RHCE: variants seen among roughly 807,000 people sequenced by gnomAD.
RHCE encodes the protein Rh blood group CcEe antigens.
RHCE carries 22 observed loss-of-function variants against 43.8 expected under a neutral mutation model. The observed-to-expected ratio is 0.50, with a 90% CI of 0.36 to 0.72. The LOEUF (loss-of-function observed/expected upper bound fraction) is 0.72, where lower values mean the gene tolerates loss of function less well. RHCE is among the 30% of genes least tolerant of loss of function. RHCE has a pLI of 0.00. For synonymous variants in RHCE, 156 were observed against 210.7 expected (o/e 0.74, Z 2.25); for missense variants, 385 against 525.4 (o/e 0.73, Z 2.61).
chr1:25,430,175 C>G (rs1213221336), exon 1 of RHCE: 1 of 151,962 alleles, frequency 6.6e-6, no homozygotes, highest in Non-Finnish European at 1.5e-5. Context: ...GCCGCACCGC[C>G]GCACACGCCC....
At position 25,392,021 on chromosome 1, in the gene RHCE, T is replaced by A. The variant is rs764289876; in HGVS notation, c.607A>T (p.Thr203Ser). The A allele has an allele frequency of 1.2e-6, 2 of 1,614,066 alleles. No homozygotes were observed. The highest frequency in any genetic ancestry group is 3.3e-5 in the Admixed American group (2 of 60,004). The change falls in exon 4 of 10, where the codon ACG becomes TCG. Residue 203 changes from threonine (T) to serine (S), a missense_variant. Thr to Ser is a moderately conservative substitution (Grantham distance 58, BLOSUM62 1). Coordinates refer to ENST00000294413, the MANE Select transcript of RHCE (RefSeq NM_020485.8). ...AGCATGGCAGACAAACTGGGTATCG[T>A]TGCTCTCTGATCATTATCCTCCGTT... is the stretch of plus-strand genomic sequence containing the variant. ...KGTEDNDQRA[T>S]IPSLSAMLGA...
chr1:25,374,485 T>C (rs1645725577), intron 8 of RHCE, among the ~76,000 whole-genome samples: 1 of 151,642 alleles, frequency 6.6e-6, no homozygotes, highest in Non-Finnish European at 1.5e-5. Context: ...AACATACTTT[T>C]CCCCTTTGTT....
chr1:25,399,699 A>G (rs1179240528), intron 3 of RHCE, among the ~76,000 whole-genome samples: 2 of 152,204 alleles, frequency 1.3e-5, no homozygotes, highest in Admixed American at 6.5e-5. Flanking sequence ...ATACTAGGGA[A>G]ATTTTAAAAT....
chr1:25,397,677 T>G (rs556344439), intron 3 of RHCE, among the ~76,000 whole-genome samples: 48 of 151,818 alleles, frequency 3.2e-4, no homozygotes, highest in Non-Finnish European at 5.6e-4. Flanking sequence ...AGCCTTTCTC[T>G]CCATCATTCT....
At chr1:25,379,450 A>AGTGTGTATGTAT (rs1323304546) in intron 7 of RHCE, among the ~76,000 whole-genome samples, 1 of 73,334 alleles carries the variant, frequency 1.4e-5, no homozygotes, top group African/African-American at 4.6e-5. Context: ...ATAGCACCAA[A>AGTGTGTATGTAT]GTATATATAT....
chr1:25,418,992 T>C (rs1033033808), intron 1 of RHCE, among the ~76,000 whole-genome samples: 4 of 152,126 alleles, frequency 2.6e-5, no homozygotes, highest in Non-Finnish European at 4.4e-5. Context: ...CACTGTAAAA[T>C]GGGGCCATGA....
chr1:25,408,649 T>A lies in RHCE; in HGVS notation c.335+34A>T, dbSNP rs778892080. On this transcript the variant is annotated intron_variant, in intron 2 of 9. Transcript: ENST00000294413. ...GTCCTTTCGGGGTCCATTCCCTCTA[T>A]GACCCAGAAGTGATCCAGCCACCAT... 72 of 1,248,992 alleles carry A rather than the reference T, an allele frequency of 5.8e-5. 22 individuals are homozygous for A. The highest frequency in any genetic ancestry group is 7.7e-5 in the Non-Finnish European group (72 of 935,846). 77.4% of individuals were successfully genotyped at this position (1,248,992 alleles called of 1,614,324 possible). A position where few individuals can be genotyped will look rare whatever the true frequency, so the allele number is the denominator to read the frequency against.
chr1:25,389,896 TC>T (rs1423359252), intron 5 of RHCE, among the ~76,000 whole-genome samples: 3 of 152,112 alleles, frequency 2.0e-5, no homozygotes, highest in African/African-American at 7.2e-5. Flanking sequence ...CCTCTGAGCT[TC>T]CCTGAGCTGA....
chr1:25,369,163 G>A (rs1241594115), intron 9 of RHCE, among the ~76,000 whole-genome samples: 3 of 151,738 alleles, frequency 2.0e-5, no homozygotes, highest in African/African-American at 7.3e-5. Context: ...AAGGGGCAGG[G>A]TCTCTCCCCA....
intron 2 of RHCE, among the ~76,000 whole-genome samples, chr1:25,405,609 G>A (rs1177558218): frequency 1.0e-4 from 13 of 125,456 alleles, no homozygotes; most frequent in Admixed American, 6.8e-4. Context: ...AGCTATGATT[G>A]TACCACTGCA....
At chr1:25,411,047 G>A (rs1030662051) in intron 1 of RHCE, among the ~76,000 whole-genome samples, 9 of 151,886 alleles carry the variant, frequency 5.9e-5, no homozygotes, top group African/African-American at 1.5e-4. Flanking sequence ...AGCTGAGACC[G>A]CACCACTGCA....
Position 25,370,563 on chromosome 1 carries a change from G to A in RHCE, c.1154-23C>T, listed in dbSNP as rs760063332. 9.6e-6 allele frequency: 15 copies of A among 1,564,530 alleles called. 1 individual carries two copies. In the South Asian group the frequency reaches 1.4e-4, roughly 15 times the overall value. On this transcript the variant is annotated intron_variant, in intron 8 of 9. Transcript: ENST00000294413. ...AACCTGTTTAAATGCATAATTTAAT[G>A]TTAAAAGATTTGGAGCACAGGATTT...
chr1:25,425,200 G>A (rs528418235), upstream of RHCE, among the ~76,000 whole-genome samples: 1 of 152,288 alleles, frequency 6.6e-6, no homozygotes, highest in Non-Finnish European at 1.5e-5. Context: ...GGTTGCTGTT[G>A]TATCCTCAGC....
At chr1:25,413,728 C>T (rs569387317) in intron 1 of RHCE, among the ~76,000 whole-genome samples, 1 of 152,162 alleles carries the variant, frequency 6.6e-6, no homozygotes, top group East Asian at 1.9e-4. Flanking sequence ...CCACAACAGC[C>T]TCAGGTAGGA....
intron 7 of RHCE, chr1:25,385,464 G>A: frequency 1.7e-6 from 1 of 588,436 alleles, no homozygotes; most frequent in South Asian, 1.6e-5. Context: ...GGTCACAGAA[G>A]ATTTCGTGTC....
At chr1:25,383,780 A>G (rs1027249159) in intron 7 of RHCE, among the ~76,000 whole-genome samples, 3 of 152,132 alleles carry the variant, frequency 2.0e-5, no homozygotes, top group Non-Finnish European at 4.4e-5. Flanking sequence ...GCCAGTTCCC[A>G]TAGGCTCAGT....
upstream of RHCE, among the ~76,000 whole-genome samples, chr1:25,425,418 G>A (rs1372063570): frequency 6.6e-6 from 1 of 152,200 alleles, no homozygotes; most frequent in African/African-American, 2.4e-5. Flanking sequence ...AAGCCACACA[G>A]CTAATAAACG....
At chr1:25,420,057 C>T (rs2042725659) in intron 1 of RHCE, among the ~76,000 whole-genome samples, 2 of 150,978 alleles carry the variant, frequency 1.3e-5, no homozygotes, top group South Asian at 2.1e-4. Flanking sequence ...TGGTGCCCTC[C>T]TGTGGTCCCA....
chr1:25,382,576 C>T (rs1285492425), intron 7 of RHCE, among the ~76,000 whole-genome samples: 2 of 151,676 alleles, frequency 1.3e-5, no homozygotes, highest in African/African-American at 4.9e-5. Context: ...AATCCATCAC[C>T]ATGATAACAG....
Sources: allele counts gnomAD v4.1 joint callset (sites outside exome capture counted in the v4.1 genomes callset), GRCh38; gene constraint gnomAD v4.1.1; transcripts MANE v1.5; gene names NCBI Gene and HGNC (gene_info 2026-07-23, HGNC 2026-07-21).